The following PSD3 variants were observed in gnomAD, a reference collection of about 807,000 sequenced individuals.
The protein encoded by PSD3 is PH and SEC7 domain-containing protein 3.
In PSD3, 49 loss-of-function variants were observed where a neutral mutation model predicts 105.5. That is an observed-to-expected ratio of 0.46 (90% CI 0.37 to 0.59). The LOEUF (loss-of-function observed/expected upper bound fraction) is 0.59. Ranked by LOEUF, PSD3 falls within the 20% of genes least tolerant of loss-of-function variation. The probability of loss-of-function intolerance (pLI) is 0.00; values close to 1 mark genes in which losing one functional copy is unlikely to be tolerated. For synonymous variants in PSD3, 557 were observed against 457.8 expected (o/e 1.22, Z -2.77); for missense variants, 1,561 against 1,263.8 (o/e 1.24, Z -3.57).
chr8:19,049,153 T>C (rs149016519), intron 1 of PSD3, among the ~76,000 whole-genome samples: 1 of 152,258 alleles, frequency 6.6e-6, no homozygotes, highest in East Asian at 1.9e-4. Context: ...TATCGCCAAA[T>C]ACAGTCACAT....
intron 9 of PSD3, among the ~76,000 whole-genome samples, chr8:18,698,486 G>A (rs1430693817): frequency 6.6e-6 from 1 of 152,012 alleles, no homozygotes; most frequent in African/African-American, 2.4e-5. Flanking sequence ...GAAGCAGAAG[G>A]GAAGAAGAGG....
At chr8:18,821,717 ACC>A (rs1171283633) in intron 4 of PSD3, among the ~76,000 whole-genome samples, 3 of 141,120 alleles carry the variant, frequency 2.1e-5, no homozygotes, top group African/African-American at 8.0e-5. Context: ...ACACACACAC[ACC>A]CCAATAACAA....
At chr8:18,747,794 A>G (rs568315508) in intron 9 of PSD3, among the ~76,000 whole-genome samples, 1 of 151,742 alleles carries the variant, frequency 6.6e-6, no homozygotes, top group East Asian at 1.9e-4. Flanking sequence ...AGAAAAGGCT[A>G]TTTTTCTTAT....
At position 18,528,869 on chromosome 8, in the gene PSD3, C is replaced by G. The variant is rs1295808008; in HGVS notation, c.*6874G>C. On this transcript the variant is annotated 3_prime_UTR_variant, in exon 16 of 16. Transcript: ENST00000327040. ...CCTAAGAGCTTAGCTCTCTGCCCTG[C>G]AAAGGGAAATGCATTTTAGTTCGGT... 6 of 152,598 alleles carry G rather than the reference C, an allele frequency of 3.9e-5. No homozygotes were observed. The highest frequency in any genetic ancestry group is 1.4e-4 in the African/African-American group (6 of 41,464). 9.5% of individuals were successfully genotyped at this position (152,598 alleles called of 1,614,324 possible).
intron 2 of PSD3, among the ~76,000 whole-genome samples, chr8:18,922,622 C>T (rs1056064309): frequency 6.6e-6 from 1 of 152,100 alleles, no homozygotes; most frequent in African/African-American, 2.4e-5. Context: ...AGTATTAGAT[C>T]CCACGGGTTG....
chr8:18,606,896 G>A (rs556012429), intron 11 of PSD3, among the ~76,000 whole-genome samples: 1 of 152,178 alleles, frequency 6.6e-6, no homozygotes, highest in Non-Finnish European at 1.5e-5. Context: ...AGGTATTATT[G>A]TCTCTGTTTT....
rs548895243 is a variant in PSD3, at chr8:18,529,905, A to G, written c.*5838T>C. On this transcript the variant is annotated 3_prime_UTR_variant, in exon 16 of 16. Coordinates refer to ENST00000327040, the MANE Select transcript of PSD3 (RefSeq NM_015310.4). ...GACCCTGCCAATCATTCACAGAGCC[A>G]GTCCACTGCACGTCAAGAACCAATT... The G allele has an allele frequency of 1.3e-5, 2 of 152,548 alleles. No homozygotes were observed. The highest frequency in any genetic ancestry group is 3.9e-4 in the East Asian group (2 of 5,190). 9.4% of individuals were successfully genotyped at this position (152,548 alleles called of 1,614,324 possible).
At chr8:18,552,183 A>T (rs1197255503) in intron 15 of PSD3, among the ~76,000 whole-genome samples, 1 of 152,128 alleles carries the variant, frequency 6.6e-6, no homozygotes, top group East Asian at 1.9e-4. Flanking sequence ...TATTAACCTG[A>T]CCTTCAGCAA....
chr8:18,670,835 C>T (rs1346535392), intron 9 of PSD3, among the ~76,000 whole-genome samples: 4 of 152,162 alleles, frequency 2.6e-5, no homozygotes, highest in African/African-American at 7.2e-5. Flanking sequence ...ACCCCACCGA[C>T]AATGACTGAC....
chr8:18,565,365 A>G (rs1283844705), intron 14 of PSD3, among the ~76,000 whole-genome samples: 1 of 152,166 alleles, frequency 6.6e-6, no homozygotes. Context: ...CCCCCAATAG[A>G]AGAAAAATGT....
intron 9 of PSD3, among the ~76,000 whole-genome samples, chr8:18,700,759 C>G (rs1004012041): frequency 2.6e-5 from 4 of 151,932 alleles, no homozygotes; most frequent in Admixed American, 2.0e-4. Context: ...TTCCTTCCGT[C>G]TAGGGGTAAG....
In PSD3 at chr8:18,686,050, A is replaced by T. The variant is rs545919403; in HGVS notation, c.2173-30365T>A. On this transcript the variant is annotated intron_variant, in intron 9 of 15. Coordinates refer to ENST00000327040, the MANE Select transcript of PSD3 (RefSeq NM_015310.4). ...AAACAAACAAACAAACAACAACAAC[A>T]ACAACAAAAACTAAAACCATATGGT... 5.9e-5 allele frequency among the ~76,000 whole-genome samples: 9 copies of T among 152,284 alleles called. No homozygotes were observed. In the South Asian group the frequency reaches 1.9e-3, roughly 32 times the overall value.
intron 11 of PSD3, among the ~76,000 whole-genome samples, chr8:18,624,788 T>C (rs1237140945): frequency 1.3e-5 from 2 of 152,118 alleles, no homozygotes. Context: ...AGTATCTTAA[T>C]CTGTGAATTA....
intron 9 of PSD3, among the ~76,000 whole-genome samples, chr8:18,676,230 T>TG (rs1800056623): frequency 6.6e-6 from 1 of 152,166 alleles, no homozygotes; most frequent in South Asian, 2.1e-4. Context: ...AAATACTGCA[T>TG]GGAAGTTCTC....
At chr8:18,934,508 T>A (rs557399356) in intron 2 of PSD3, among the ~76,000 whole-genome samples, 4 of 152,306 alleles carry the variant, frequency 2.6e-5, no homozygotes, top group African/African-American at 9.6e-5. Flanking sequence ...CCTCTCGGGT[T>A]CATGCCATTC....
intron 10 of PSD3, among the ~76,000 whole-genome samples, chr8:18,633,637 A>G (rs1159265101): frequency 1.3e-5 from 2 of 152,104 alleles, no homozygotes; most frequent in Non-Finnish European, 2.9e-5. Flanking sequence ...TGTATGTACC[A>G]TATTTTCTCT....
intron 1 of PSD3, among the ~76,000 whole-genome samples, chr8:19,063,630 G>T (rs369285620): frequency 2.0e-5 from 3 of 152,122 alleles, no homozygotes; most frequent in Non-Finnish European, 1.5e-5. Flanking sequence ...GATCAATAGC[G>T]AGTATAGTAA....
At chr8:19,024,820 A>C (rs887113248) in intron 1 of PSD3, among the ~76,000 whole-genome samples, 39 of 152,158 alleles carry the variant, frequency 2.6e-4, no homozygotes, top group Admixed American at 2.2e-3. Context: ...CAGAGAGGGC[A>C]TGAAAACCCT....
intron 12 of PSD3, among the ~76,000 whole-genome samples, chr8:18,582,879 G>A (rs1802911068): frequency 6.8e-6 from 1 of 146,616 alleles, no homozygotes; most frequent in South Asian, 2.1e-4. Context: ...AGGCTGGAGT[G>A]CAGTGGCAAG....
Sources: allele counts gnomAD v4.1 joint callset (sites outside exome capture counted in the v4.1 genomes callset), GRCh38; gene constraint gnomAD v4.1.1; transcripts MANE v1.5; gene names NCBI Gene and HGNC (gene_info 2026-07-23, HGNC 2026-07-21).